The following TP53TG5 variants were observed in gnomAD, a reference collection of about 807,000 sequenced individuals.
TP53TG5 encodes the protein TP53-target gene 5 protein.
A neutral mutation model predicts 30.0 loss-of-function variants in TP53TG5; 17 were observed. That is an observed-to-expected ratio of 0.57 (90% CI 0.39 to 0.85). The LOEUF (loss-of-function observed/expected upper bound fraction) is 0.85. Ranked by LOEUF, TP53TG5 falls within the 40% of genes least tolerant of loss-of-function variation. The probability of loss-of-function intolerance (pLI) is 0.00; values close to 1 mark genes in which losing one functional copy is unlikely to be tolerated. For synonymous variants in TP53TG5, 137 were observed against 139.2 expected (o/e 0.98, Z 0.11); for missense variants, 338 against 367.9 (o/e 0.92, Z 0.67).
At chr20:45,375,591 G>C (rs764618801) in intron 3 of TP53TG5, 39 bp from the exon 4 acceptor site, 2 of 1,567,154 alleles carry the variant, frequency 1.3e-6, no homozygotes, top group Non-Finnish European at 1.7e-6. Flanking sequence ...CAGCAGGACC[G>C]AGGCCCTGGT....
Position 45,378,046 on chromosome 20 carries a change from A to G in TP53TG5, c.48+143T>C, listed in dbSNP as rs1481683447. 36 of 1,128,880 alleles carry G rather than the reference A, an allele frequency of 3.2e-5. No individual in the cohort carries two copies. In the East Asian group the frequency reaches 8.6e-4, roughly 27 times the overall value. The allele number at this position is 1,128,880 out of a possible 1,614,324, so 69.9% of individuals were successfully genotyped here. On this transcript the variant is annotated intron_variant, in intron 1 of 4. Coordinates refer to ENST00000372726, the MANE Select transcript of TP53TG5 (RefSeq NM_014477.3). ...CTTGGTCTGGGGACAGAACTGGGAG[A>G]CCATTTTAACTCTCCTGACCTCCCT...
intron 4 of TP53TG5, 79 bp downstream of exon 4, chr20:45,374,960 C>T (rs1988678660): frequency 6.5e-7 from 1 of 1,539,848 alleles, no homozygotes; most frequent in African/African-American, 1.4e-5. Flanking sequence ...GATCCTGAAC[C>T]CTGACTCTGG....
In TP53TG5 at chr20:45,375,464, A is replaced by C; in HGVS notation, c.343T>G (p.Leu115Val). Residue 115 changes from leucine (L) to valine (V), a missense_variant, in exon 4 of 5, where the codon TTA (leucine) becomes GTA (valine). Leu to Val is a conservative substitution (Grantham distance 32). Coordinates refer to ENST00000372726, the MANE Select transcript of TP53TG5 (RefSeq NM_014477.3). ...CSEKELKSKK[L>V]ESTGDPKKKE... ...TTCTTAGGGTCCCCTGTGGACTCTA[A>C]TTTCTTGGACTTGAGTTCCTTCTCG... 6.2e-7 allele frequency: 1 copy of C among 1,613,826 alleles called. No individual in the cohort carries two copies. The highest frequency in any genetic ancestry group is 8.5e-7 in the Non-Finnish European group (1 of 1,179,972).
Position 45,372,908 on chromosome 20 carries a change from G to A in TP53TG5, c.*999C>T, listed in dbSNP as rs964593070. 1.4e-5 allele frequency: 2 copies of A among 147,958 alleles called. No individual in the cohort carries two copies. Among genetic ancestry groups the A allele is most frequent in the African/African-American group, 2.5e-5 (1 of 40,258 alleles). The allele number at this position is 147,958 out of a possible 1,614,324, so 9.2% of individuals were successfully genotyped here. On this transcript the variant is annotated 3_prime_UTR_variant, in exon 5 of 5. Coordinates refer to ENST00000372726, the MANE Select transcript of TP53TG5 (RefSeq NM_014477.3). ...AGTCTTGGTGCCCAGTAATGGTGGG[G>A]AGGAGTGTGTGAGTGGGCGGGGTGG...
At chr20:45,375,795 T>G (rs1988713408) in intron 3 of TP53TG5, 1 of 526,160 alleles carries the variant, frequency 1.9e-6, no homozygotes. Flanking sequence ...AGAATGAATA[T>G]TGTCTACATC....
intron 3 of TP53TG5, 80 bp downstream of exon 3, chr20:45,377,132 T>C: frequency 6.5e-7 from 1 of 1,548,362 alleles, no homozygotes; most frequent in African/African-American, 1.4e-5. Flanking sequence ...ATTAGACTTG[T>C]TCTCTAAATG....
chr20:45,377,868 G>A (rs1988781005), intron 1 of TP53TG5, among the ~76,000 whole-genome samples: 1 of 152,222 alleles, frequency 6.6e-6, no homozygotes, highest in Non-Finnish European at 1.5e-5. Context: ...CTTGAACCCA[G>A]GAGGTGAAGG....
Position 45,373,617 on chromosome 20 carries a change from T to C in TP53TG5, c.*290A>G. The C allele has an allele frequency of 6.7e-6, 3 of 446,194 alleles. No homozygotes were observed. The highest frequency in any genetic ancestry group is 1.2e-5 in the Non-Finnish European group (3 of 243,562). The allele number at this position is 446,194 out of a possible 1,614,324, so 27.6% of individuals were successfully genotyped here. A position where few individuals can be genotyped will look rare whatever the true frequency, so the allele number is the denominator to read the frequency against. Reference sequence around the variant, plus strand: ...CTGCCTCCGCGCCGCGGTTTCCTCTTGCGAGCTCGCGGGGCGATTGTGAGG... The same window carrying C: ...CTGCCTCCGCGCCGCGGTTTCCTCTCGCGAGCTCGCGGGGCGATTGTGAGG... On this transcript the variant is annotated 3_prime_UTR_variant, in exon 5 of 5. Transcript: ENST00000372726.
At chr20:45,374,934 AC>A in intron 4 of TP53TG5, 104 bp downstream of exon 4, 1 of 1,466,230 alleles carries the variant, frequency 6.8e-7, no homozygotes, top group Admixed American at 2.1e-5. Context: ...CCAGCCACAC[AC>A]CACTCAAGAC....
At position 45,377,351 on chromosome 20, in the gene TP53TG5, G is replaced by C; in HGVS notation, c.124-9C>G. ...GACAAGTTTTTTAACACCTGCCAGG[G>C]TCAAGAAACCAGGTAAATAGAAGCT... On this transcript the variant is annotated splice_polypyrimidine_tract_variant and intron_variant, in intron 2 of 4. Coordinates refer to ENST00000372726, the MANE Select transcript of TP53TG5 (RefSeq NM_014477.3). The C allele has an allele frequency of 1.9e-6, 3 of 1,613,992 alleles. No individual in the cohort carries two copies. The highest frequency in any genetic ancestry group is 2.5e-6 in the Non-Finnish European group (3 of 1,180,016).
Position 45,375,143 on chromosome 20 carries a change from C to T in TP53TG5, c.664G>A (p.Ala222Thr), listed in dbSNP as rs202143507. ...GAGGATCTGCACATCACCCTGGGCG[C>T]CGGGAGGTGGATTCGTGTGGGCAGC... ...EGLPTRIHLP[A>T]PRVMCRSSTL... Residue 222 changes from alanine to threonine, a missense_variant, in exon 4 of 5, where the codon GCG (alanine) becomes ACG (threonine). Transcript: ENST00000372726. The T allele has an allele frequency of 6.2e-7, 1 of 1,614,160 alleles. No homozygotes were observed. Among genetic ancestry groups the T allele is most frequent in the East Asian group, 2.2e-5 (1 of 44,882 alleles).
chr20:45,373,995 G>T lies in TP53TG5; in HGVS notation c.785C>A (p.Thr262Lys). 6.2e-7 allele frequency: 1 copy of T among 1,613,926 alleles called. No individual in the cohort carries two copies. The highest frequency in any genetic ancestry group is 8.5e-7 in the Non-Finnish European group (1 of 1,180,004). ...CCCTCTGCTCGCACCTCTGGCTCTC[G>T]TCCAGGTCACATCAACCTGCCAGCA... ...WHPYKVDVTW[T>K]RARGASRGWR... Residue 262 changes from threonine to lysine, a missense_variant, in exon 5 of 5, where the codon ACG becomes AAG. Physicochemically the swap from Thr to Lys is moderately conservative, Grantham distance 78. Coordinates refer to ENST00000372726, the MANE Select transcript of TP53TG5 (RefSeq NM_014477.3).
At position 45,375,173 on chromosome 20, in the gene TP53TG5, C is replaced by T. The variant is rs774619419; in HGVS notation, c.634G>A (p.Glu212Lys). 3.2e-5 allele frequency: 51 copies of T among 1,614,112 alleles called. No homozygotes were observed. Among genetic ancestry groups the T allele is most frequent in the Non-Finnish European group, 4.0e-5 (47 of 1,180,048 alleles). Residue 212 changes from glutamate to lysine, a missense_variant, in exon 4 of 5, where the codon GAG (glutamate) becomes AAG (lysine). By Grantham distance (56) the Glu-to-Lys change is moderately conservative. Coordinates refer to ENST00000372726, the MANE Select transcript of TP53TG5 (RefSeq NM_014477.3). ...AGGTGGATTCGTGTGGGCAGCCCCT[C>T]AAACCAGATCCACTGGTCGGCTACA... ...LDVADQWIWFEGLPTRIHLPA... is the reference protein window; with the variant it reads ...LDVADQWIWFKGLPTRIHLPA...
In TP53TG5 at chr20:45,375,273, G is replaced by A; in HGVS notation, c.534C>T (p.Leu178=). 1.2e-6 allele frequency: 2 copies of A among 1,614,182 alleles called. No individual in the cohort carries two copies. Among genetic ancestry groups the A allele is most frequent in the South Asian group, 2.2e-5 (2 of 91,080 alleles). Reference sequence around the variant, plus strand: ...TGAAGATGACTCGGGGGCCCTCGGTGAGTGGTTGCCTCCCCTGGACTCCAG... The same window carrying A: ...TGAAGATGACTCGGGGGCCCTCGGTAAGTGGTTGCCTCCCCTGGACTCCAG... ...LNPGVQGRQP[L]TEGPRVIFIK... The change falls in exon 4 of 5, where the codon CTC becomes CTT. Residue 178 remains leucine (L), a synonymous_variant. Transcript: ENST00000372726.
At chr20:45,374,036 G>A in intron 4 of TP53TG5, 25 bp from the exon 5 acceptor site, 3 of 1,611,768 alleles carry the variant, frequency 1.9e-6, no homozygotes, top group Non-Finnish European at 2.5e-6. Context: ...CTCGGTGTTA[G>A]GCGCTAAGAC....
rs1358458484 is a variant in TP53TG5, at chr20:45,375,348, C to T, written c.459G>A (p.Lys153=). 1 of 1,614,002 alleles carries T rather than the reference C, an allele frequency of 6.2e-7. No individual in the cohort carries two copies. Among genetic ancestry groups the T allele is most frequent in the African/African-American group, 1.3e-5 (1 of 74,912 alleles). ...TCCTTGGAACCTCAGGCTCTATATG[C>T]TTTTCTTTCCGTGGCATTGCCGCCA... is the stretch of plus-strand genomic sequence containing the variant. ...TSLAAMPRKE[K]HIEPEVPRTS... is the part of the protein sequence containing the mutation. The change falls in exon 4 of 5, where the codon AAG becomes AAA. Residue 153 remains lysine, a synonymous_variant. Coordinates refer to ENST00000372726, the MANE Select transcript of TP53TG5 (RefSeq NM_014477.3).
rs1988623752 is a variant in TP53TG5, at chr20:45,373,634, A to C, written c.*273T>G. On this transcript the variant is annotated 3_prime_UTR_variant, in exon 5 of 5. Coordinates refer to ENST00000372726, the MANE Select transcript of TP53TG5 (RefSeq NM_014477.3). ...TTTCCTCTTGCGAGCTCGCGGGGCG[A>C]TTGTGAGGCACTTTGCACCCAGGAA... The C allele has an allele frequency of 2.1e-6, 1 of 469,910 alleles. No homozygotes were observed. The highest frequency in any genetic ancestry group is 3.9e-6 in the Non-Finnish European group (1 of 258,096). 29.1% of individuals were successfully genotyped at this position (469,910 alleles called of 1,614,324 possible).
chr20:45,377,312 G>T lies in TP53TG5; in HGVS notation c.154C>A (p.Leu52Ile), dbSNP rs567269564. The T allele has an allele frequency of 4.1e-5, 66 of 1,614,144 alleles. 1 individual carries two copies. In the South Asian group the frequency reaches 6.5e-4, roughly 16 times the overall value. Residue 52 changes from leucine (L) to isoleucine (I), a missense_variant, in exon 3 of 5, where the codon CTC becomes ATC. By Grantham distance (5) the Leu-to-Ile change is conservative. Coordinates refer to ENST00000372726, the MANE Select transcript of TP53TG5 (RefSeq NM_014477.3). ...TGGATCCGGCGGTTTGAGCTCTTGAGTAGCTTCAAGAGCGACAAGTTTTTT... is the reference window on the plus strand; with the variant it reads ...TGGATCCGGCGGTTTGAGCTCTTGATTAGCTTCAAGAGCGACAAGTTTTTT... The part of the protein sequence containing the change: ...VLKNLSLLKL[L>I]KSSNRRIQEL...
Position 45,375,215 on chromosome 20 carries a change from G to A in TP53TG5, c.592C>T (p.His198Tyr), listed in dbSNP as rs894356487. 2 of 1,614,062 alleles carry A rather than the reference G, an allele frequency of 1.2e-6. No individual in the cohort carries two copies. The highest frequency in any genetic ancestry group is 1.7e-6 in the Non-Finnish European group (2 of 1,180,030). Residue 198 changes from histidine to tyrosine, a missense_variant, in exon 4 of 5, where the codon CAC becomes TAC. Transcript: ENST00000372726. ...TCGGCTACATCCAGCTGCTTCATGT[G>A]CCCCATGGGAGTTCTATTGCGGTAG... is the stretch of plus-strand genomic sequence containing the variant. The part of the protein sequence containing the change: ...KPYRNRTPMG[H>Y]MKQLDVADQW...
Sources: allele counts gnomAD v4.1 joint callset (sites outside exome capture counted in the v4.1 genomes callset), GRCh38; gene constraint gnomAD v4.1.1; transcripts MANE v1.5; gene names NCBI Gene and HGNC (gene_info 2026-07-23, HGNC 2026-07-21).